SH3PXD2A: variants seen among roughly 807,000 people sequenced by gnomAD.
The protein encoded by SH3PXD2A is SH3 and PX domains 2A.
Under a neutral mutation model 115.2 loss-of-function variants are expected in SH3PXD2A, and 32 were observed. That is an observed-to-expected ratio of 0.28 (90% confidence interval 0.21 to 0.37). The LOEUF (loss-of-function observed/expected upper bound fraction) is 0.37. Among genes scored for constraint, SH3PXD2A ranks in the 10% least tolerant of loss-of-function variants. The pLI, the probability that SH3PXD2A is intolerant of heterozygous loss-of-function variation, is 1.00. For missense variants in SH3PXD2A, 1,328 were observed against 1,498.7 expected, an observed-to-expected ratio of 0.89 and a Z score of 1.88; for synonymous variants, 610 against 629.1, an observed-to-expected ratio of 0.97 and a Z score of 0.45.
intron 1 of SH3PXD2A, among the ~76,000 whole-genome samples, chr10:103,833,396 T>C (rs1233708085): frequency 6.6e-6 from 1 of 152,096 alleles, no homozygotes; most frequent in Non-Finnish European, 1.5e-5. Flanking sequence ...TCCTAACCTG[T>C]CTTATTTATT....
At chr10:103,655,092 C>G (rs1441131350) in intron 8 of SH3PXD2A, among the ~76,000 whole-genome samples, 1 of 152,156 alleles carries the variant, frequency 6.6e-6, no homozygotes, top group African/African-American at 2.4e-5. Flanking sequence ...CCAAAAGGGA[C>G]TCTGCTGATT....
chr10:103,678,133 G>C (rs1282438472), intron 6 of SH3PXD2A: 1 of 1,288,996 alleles, frequency 7.8e-7, no homozygotes, highest in Non-Finnish European at 1.0e-6. Context: ...ACAGGAGCCG[G>C]AGCAGGAACG....
intron 2 of SH3PXD2A, among the ~76,000 whole-genome samples, chr10:103,769,579 G>A (rs1024784537): frequency 3.2e-4 from 48 of 151,726 alleles, no homozygotes; most frequent in African/African-American, 9.9e-4. Flanking sequence ...TTACAGGTGT[G>A]TGCCACCACG....
intron 8 of SH3PXD2A, among the ~76,000 whole-genome samples, chr10:103,632,634 C>A (rs1352320234): frequency 6.6e-6 from 1 of 152,274 alleles, no homozygotes; most frequent in East Asian, 1.9e-4. Context: ...GTGCCCATAG[C>A]CAAGGTAGTG....
intron 3 of SH3PXD2A, among the ~76,000 whole-genome samples, chr10:103,743,002 C>G (rs1180186885): frequency 6.6e-6 from 1 of 152,098 alleles, no homozygotes; most frequent in Non-Finnish European, 1.5e-5. Context: ...ACAGGCAATG[C>G]ATGTGGGAGG....
At chr10:103,780,199 C>G (rs146509611) in intron 2 of SH3PXD2A, among the ~76,000 whole-genome samples, 2 of 152,338 alleles carry the variant, frequency 1.3e-5, no homozygotes, top group Non-Finnish European at 2.9e-5. Context: ...GATTCCAGAG[C>G]AGGCCCCCAG....
In SH3PXD2A at chr10:103,602,076, C is replaced by T. The variant is rs754844848; in HGVS notation, c.3142G>A (p.Ala1048Thr). ...SQGSDSPLLPAQRNSIPVSPV... is the reference protein window; with the variant it reads ...SQGSDSPLLPTQRNSIPVSPV... ...GACACGGGTATGCTGTTGCGCTGGG[C>T]GGGCAGTAGGGGTGAGTCTGAACCC... Residue 1048 changes from alanine to threonine, a missense_variant, in exon 15 of 15, where the codon GCC (alanine) becomes ACC (threonine). This residue lies in a region of SH3PXD2A where 574 missense variants were observed against 565.7 expected (regional missense o/e 1.01). Coordinates refer to ENST00000369774, the MANE Select transcript of SH3PXD2A (RefSeq NM_001394015.1). 36 of 1,601,152 alleles carry T rather than the reference C, an allele frequency of 2.2e-5. No individual in the cohort carries two copies. The highest frequency in any genetic ancestry group is 1.7e-4 in the Middle Eastern group (1 of 6,010).
At chr10:103,631,278 T>C (rs928262877) in intron 8 of SH3PXD2A, among the ~76,000 whole-genome samples, 1 of 152,016 alleles carries the variant, frequency 6.6e-6, no homozygotes, top group African/African-American at 2.4e-5. Context: ...AAATAAATAA[T>C]TTATAAATTT....
At chr10:103,776,059 T>C (rs531407020) in intron 2 of SH3PXD2A, among the ~76,000 whole-genome samples, 2 of 152,262 alleles carry the variant, frequency 1.3e-5, no homozygotes, top group South Asian at 4.1e-4. Context: ...CCACCTATAT[T>C]ATCTGGCTCA....
chr10:103,804,131 A>G (rs2039174176), intron 1 of SH3PXD2A, among the ~76,000 whole-genome samples: 1 of 152,096 alleles, frequency 6.6e-6, no homozygotes, highest in Non-Finnish European at 1.5e-5. Flanking sequence ...AATGTTTCTT[A>G]TCAGATCTTA....
chr10:103,651,348 A>C (rs767013222), intron 8 of SH3PXD2A, among the ~76,000 whole-genome samples: 3 of 152,152 alleles, frequency 2.0e-5, no homozygotes, highest in Non-Finnish European at 2.9e-5. Flanking sequence ...AAGAGTCAAC[A>C]TGCTTCTCTT....
At chr10:103,624,342 C>T (rs2036657612) in intron 9 of SH3PXD2A, among the ~76,000 whole-genome samples, 1 of 152,200 alleles carries the variant, frequency 6.6e-6, no homozygotes, top group South Asian at 2.1e-4. Flanking sequence ...CAGGTCCATA[C>T]TGGTAGATGT....
intron 8 of SH3PXD2A, among the ~76,000 whole-genome samples, chr10:103,635,135 T>C (rs2036844822): frequency 6.6e-6 from 1 of 152,200 alleles, no homozygotes; most frequent in South Asian, 2.1e-4. Flanking sequence ...GCTGGGGTTT[T>C]AGGGCTACCT....
At chr10:103,744,682 C>T (rs1304008453) in intron 3 of SH3PXD2A, among the ~76,000 whole-genome samples, 4 of 152,120 alleles carry the variant, frequency 2.6e-5, no homozygotes, top group Admixed American at 2.6e-4. Flanking sequence ...TTTACTTGGG[C>T]TGGGGGAAGG....
chr10:103,797,063 C>T (rs993543893), intron 2 of SH3PXD2A, among the ~76,000 whole-genome samples: 7 of 151,718 alleles, frequency 4.6e-5, no homozygotes, highest in Admixed American at 2.0e-4. Context: ...GGGATCTTGC[C>T]GCATTGCCCA....
chr10:103,789,017 C>A (rs2039006560), intron 2 of SH3PXD2A, among the ~76,000 whole-genome samples: 1 of 152,210 alleles, frequency 6.6e-6, no homozygotes, highest in African/African-American at 2.4e-5. Flanking sequence ...TCCCGGTCAC[C>A]ACACTGGTGG....
chr10:103,850,259 A>C (rs1285201451), intron 1 of SH3PXD2A, among the ~76,000 whole-genome samples: 1 of 151,994 alleles, frequency 6.6e-6, no homozygotes, highest in Non-Finnish European at 1.5e-5. Flanking sequence ...GCCACCACAC[A>C]TGGTAATTTC....
At chr10:103,716,925 C>A (rs886115116) in intron 5 of SH3PXD2A, among the ~76,000 whole-genome samples, 1 of 152,244 alleles carries the variant, frequency 6.6e-6, no homozygotes, top group Non-Finnish European at 1.5e-5. Flanking sequence ...CCTGCTGCTG[C>A]TGTGCGCTTC....
At chr10:103,781,917 ACAGG>A (rs2038934687) in intron 2 of SH3PXD2A, among the ~76,000 whole-genome samples, 1 of 152,216 alleles carries the variant, frequency 6.6e-6, no homozygotes, top group East Asian at 1.9e-4. Flanking sequence ...CCTCCTTGCC[ACAGG>A]GACATCAGCA....
Sources: allele counts gnomAD v4.1 joint callset (sites outside exome capture counted in the v4.1 genomes callset), GRCh38; gene constraint gnomAD v4.1.1; regional missense constraint gnomAD v4.1.1; transcripts MANE v1.5; gene names NCBI Gene and HGNC (gene_info 2026-07-23, HGNC 2026-07-21).